Variants in PLD1 observed in about 807,000 individuals in gnomAD.
The protein encoded by PLD1 is phospholipase D1.
A neutral mutation model predicts 137.1 loss-of-function variants in PLD1; 112 were observed. The observed-to-expected ratio is 0.82, with a 90% CI of 0.70 to 0.96. The LOEUF (loss-of-function observed/expected upper bound fraction) is 0.96. Among genes scored for constraint, PLD1 ranks in the 40% least tolerant of loss-of-function variants. The pLI, the probability that PLD1 is intolerant of heterozygous loss-of-function variation, is 0.00. For synonymous variants in PLD1, 431 were observed against 454.7 expected, an observed-to-expected ratio of 0.95 and a Z score of 0.66; for missense variants, 1,321 against 1,342.0, an observed-to-expected ratio of 0.98 and a Z score of 0.24.
At chr3:171,642,490 C>T (rs1248074848) in intron 23 of PLD1, among the ~76,000 whole-genome samples, 1 of 142,938 alleles carries the variant, frequency 7.0e-6, no homozygotes, top group Non-Finnish European at 1.5e-5. Flanking sequence ...AAGACGTCTG[C>T]GAAAGTGTCT....
intron 1 of PLD1, among the ~76,000 whole-genome samples, chr3:171,757,090 T>C (rs1021875493): frequency 6.6e-6 from 1 of 152,108 alleles, no homozygotes; most frequent in Non-Finnish European, 1.5e-5. Context: ...ATAGACAAAT[T>C]GCCTATACTA....
chr3:171,749,295 A>G (rs1720486625), intron 1 of PLD1, among the ~76,000 whole-genome samples: 1 of 152,168 alleles, frequency 6.6e-6, no homozygotes, highest in Non-Finnish European at 1.5e-5. Flanking sequence ...GTTGCCTCAC[A>G]TAAATTTTAG....
intron 23 of PLD1, among the ~76,000 whole-genome samples, chr3:171,630,920 C>T (rs148549227): frequency 0.066 from 9,886 of 150,154 alleles, 438 homozygotes; most frequent in South Asian, 0.12. Context: ...TGCTAAATGA[C>T]GAGTTAATGG....
At chr3:171,607,457 A>G (rs939136526) in intron 25 of PLD1, among the ~76,000 whole-genome samples, 5 of 152,170 alleles carry the variant, frequency 3.3e-5, no homozygotes, top group Non-Finnish European at 5.9e-5. Context: ...GTTTGTAGAA[A>G]AAGTATTTAA....
intron 11 of PLD1, among the ~76,000 whole-genome samples, chr3:171,706,440 CTTTG>C (rs57498837): frequency 0.23 from 34,525 of 151,860 alleles, 4,158 homozygotes; most frequent in Admixed American, 0.3. Context: ...CTGGAATAGT[CTTTG>C]TTTGTGAGTC....
At chr3:171,785,850 C>T (rs1314812579) in intron 1 of PLD1, among the ~76,000 whole-genome samples, 1 of 152,202 alleles carries the variant, frequency 6.6e-6, no homozygotes, top group East Asian at 1.9e-4. Flanking sequence ...AGGTCTAGAA[C>T]ATCCCTGTGG....
intron 1 of PLD1, among the ~76,000 whole-genome samples, chr3:171,770,764 C>T (rs1363389345): frequency 2.0e-5 from 3 of 151,576 alleles, no homozygotes; most frequent in Non-Finnish European, 4.4e-5. Context: ...TGGCATGCAC[C>T]TGTAATCCCA....
intron 19 of PLD1, 69 bp from the exon 20 acceptor site, chr3:171,662,239 G>A: frequency 1.2e-6 from 1 of 863,518 alleles, no homozygotes. Flanking sequence ...TTAATACAAT[G>A]AAGTCACTCC....
intron 1 of PLD1, among the ~76,000 whole-genome samples, chr3:171,739,379 G>A (rs1719610870): frequency 6.6e-6 from 1 of 152,196 alleles, no homozygotes; most frequent in African/African-American, 2.4e-5. Context: ...GGGAGCGAAG[G>A]AGGGAGGTTC....
chr3:171,707,657 C>A (rs1035420914), intron 11 of PLD1, among the ~76,000 whole-genome samples: 1 of 152,146 alleles, frequency 6.6e-6, no homozygotes, highest in Non-Finnish European at 1.5e-5. Context: ...GATCTTGCAT[C>A]CTCTCCCAAC....
rs2124147 is a variant in PLD1 at position 171,677,678 on chromosome 3, A to G, written c.1884T>C (p.Arg628=). Residue 628 remains arginine, a synonymous_variant, in exon 17 of 27, where the codon CGT becomes CGC. Transcript: ENST00000351298. ...TRPHADTGSI[R]SLQTGVGELH... Reference sequence around the variant, plus strand: ...GCTCTCCCACACCTGTCTGTAAACTACGGATGGACCCGGTATCTGTGAATG... The same window carrying G: ...GCTCTCCCACACCTGTCTGTAAACTGCGGATGGACCCGGTATCTGTGAATG... 0.45 allele frequency: 728,012 copies of G among 1,612,886 alleles called. 168,178 individuals are homozygous for G. Among genetic ancestry groups the G allele is most frequent in the African/African-American group, 0.68 (51,312 of 74,914 alleles).
chr3:171,715,542 C>G (rs1717614043), intron 8 of PLD1, among the ~76,000 whole-genome samples: 1 of 151,906 alleles, frequency 6.6e-6, no homozygotes, highest in African/African-American at 2.4e-5. Flanking sequence ...TGCACTGAAT[C>G]TGTAGATTGC....
At position 171,777,164 on chromosome 3, in the gene PLD1, A is replaced by G. The variant is rs375487005; in HGVS notation, c.-32+33235T>C. ...GGATCTTTAATTTCCAAGTTTCTCT[A>G]TTATTTTCTTTCTTTTTTAAATAAG... On this transcript the variant is annotated intron_variant, in intron 1 of 26. Transcript: ENST00000351298. 1.0e-3 allele frequency among the ~76,000 whole-genome samples: 153 copies of G among 152,258 alleles called. 4 individuals carry two copies. In the South Asian group the frequency reaches 0.031, roughly 31 times the overall value.
At chr3:171,647,093 A>C (rs1369117489) in intron 21 of PLD1, among the ~76,000 whole-genome samples, 4 of 152,202 alleles carry the variant, frequency 2.6e-5, no homozygotes. Context: ...AGTGATACAC[A>C]CATCTGCTCT....
At chr3:171,644,069 C>T (rs1560174387) in intron 22 of PLD1, among the ~76,000 whole-genome samples, 1 of 152,204 alleles carries the variant, frequency 6.6e-6, no homozygotes, top group Non-Finnish European at 1.5e-5. Flanking sequence ...GACCAAGGCC[C>T]TGACCCCTAA....
chr3:171,631,305 T>A (rs1281909344), intron 23 of PLD1, among the ~76,000 whole-genome samples: 1 of 152,162 alleles, frequency 6.6e-6, no homozygotes, highest in Non-Finnish European at 1.5e-5. Flanking sequence ...GTTGAGGATA[T>A]ACATAAATAT....
At chr3:171,742,133 A>G (rs1719822931) in intron 1 of PLD1, among the ~76,000 whole-genome samples, 1 of 152,184 alleles carries the variant, frequency 6.6e-6, no homozygotes, top group Non-Finnish European at 1.5e-5. Flanking sequence ...ATTTGATCTG[A>G]CCTCAAAGCC....
At chr3:171,650,771 G>A (rs576985250) in intron 21 of PLD1, among the ~76,000 whole-genome samples, 61 of 152,178 alleles carry the variant, frequency 4.0e-4, no homozygotes, top group African/African-American at 1.4e-3. Flanking sequence ...GGTGGCGGGC[G>A]CCTGTAGTCC....
At chr3:171,706,163 T>C (rs1716677250) in intron 11 of PLD1, among the ~76,000 whole-genome samples, 1 of 151,886 alleles carries the variant, frequency 6.6e-6, no homozygotes, top group South Asian at 2.1e-4. Context: ...TCTATCTATC[T>C]ATCTACAACT....
Sources: gnomAD v4.1 joint callset for allele counts (sites outside exome capture counted in the v4.1 genomes callset) on GRCh38, gnomAD v4.1.1 for gene constraint, MANE v1.5 for transcripts, NCBI Gene and HGNC (gene_info 2026-07-23, HGNC 2026-07-21) for gene names.